The following GAD1 variants were observed in gnomAD, a reference collection of about 807,000 sequenced individuals.
The protein encoded by GAD1 is glutamate decarboxylase 1.
Under a neutral mutation model 75.2 loss-of-function variants are expected in GAD1, and 35 were observed. The observed-to-expected ratio is 0.47, with a 90% CI of 0.36 to 0.62. The LOEUF is 0.62. GAD1 is among the 20% of genes least tolerant of loss of function. The probability of loss-of-function intolerance (pLI) is 0.00; values close to 1 mark genes in which losing one functional copy is unlikely to be tolerated. For missense variants in GAD1, 490 were observed against 758.5 expected (o/e 0.65, Z 4.16); for synonymous variants, 257 against 271.9 (o/e 0.95, Z 0.54).
intron 3 of GAD1, among the ~76,000 whole-genome samples, chr2:170,826,598 G>A (rs1702031010): frequency 1.4e-5 from 2 of 147,554 alleles, no homozygotes; most frequent in African/African-American, 4.9e-5. Flanking sequence ...GTGGCATAAC[G>A]ATCGTTTCTC....
At chr2:170,824,222 G>A (rs1280894592) in intron 3 of GAD1, among the ~76,000 whole-genome samples, 2 of 152,214 alleles carry the variant, frequency 1.3e-5, no homozygotes, top group African/African-American at 4.8e-5. Context: ...GGGGCCACAG[G>A]TTAGGAGGCT....
At chr2:170,832,697 T>C (rs62169988) in intron 5 of GAD1, among the ~76,000 whole-genome samples, 51 of 124,568 alleles carry the variant, frequency 4.1e-4, no homozygotes, top group South Asian at 3.0e-3. Flanking sequence ...CACACACACA[T>C]ACACACATGC....
At position 170,836,858 on chromosome 2, in the gene GAD1, C is replaced by G. The variant is rs779581841; in HGVS notation, c.613C>G (p.Leu205Val). ...TATTATTGGCCTAGCTGGAGAATGGCTGACATCAACGGCCAATACCAACAT... is the reference window on the plus strand; with the variant it reads ...TATTATTGGCCTAGCTGGAGAATGGGTGACATCAACGGCCAATACCAACAT... Reference protein sequence around the residue: ...LDIIGLAGEWLTSTANTNMFT... With the variant: ...LDIIGLAGEWVTSTANTNMFT... The change falls in exon 6 of 17, where the codon CTG becomes GTG. Residue 205 changes from leucine (L) to valine (V), a missense_variant. Leu to Val is a conservative substitution (Grantham distance 32). Coordinates refer to ENST00000358196, the MANE Select transcript of GAD1 (RefSeq NM_000817.3). 14 of 1,613,756 alleles carry G rather than the reference C, an allele frequency of 8.7e-6. No homozygotes were observed. The highest frequency in any genetic ancestry group is 1.2e-5 in the Non-Finnish European group (14 of 1,179,686).
intron 3 of GAD1, among the ~76,000 whole-genome samples, chr2:170,825,358 C>T (rs189378810): frequency 1.3e-5 from 2 of 152,170 alleles, no homozygotes; most frequent in African/African-American, 2.4e-5. Context: ...CACTACACTC[C>T]AGTCTGGACA....
intron 12 of GAD1, among the ~76,000 whole-genome samples, chr2:170,851,590 G>C (rs3791850): frequency 1.3e-5 from 2 of 152,060 alleles, no homozygotes; most frequent in African/African-American, 4.8e-5. Flanking sequence ...TTTAGCTCTA[G>C]GGAGAGCAGA....
At chr2:170,847,534 C>G (rs1479701976) in intron 10 of GAD1, 142 bp from the exon 11 acceptor site, 3 of 748,656 alleles carry the variant, frequency 4.0e-6, no homozygotes, top group Admixed American at 3.5e-5. Flanking sequence ...CAACAAAACA[C>G]TACTAGACAT....
intron 15 of GAD1, among the ~76,000 whole-genome samples, chr2:170,857,504 G>A (rs562970199): frequency 5.9e-5 from 9 of 152,206 alleles, no homozygotes; most frequent in South Asian, 2.1e-4. Flanking sequence ...CCAGCATTTC[G>A]GGAGGCCAAG....
At chr2:170,814,385 G>A (rs773943972), upstream of GAD1, among the ~76,000 whole-genome samples, 6 of 152,164 alleles carry the variant, frequency 3.9e-5, no homozygotes, top group Non-Finnish European at 7.3e-5. Context: ...AAAGATCTAT[G>A]CCCTACCTCA....
At chr2:170,844,427 G>C (rs1184051582) in intron 7 of GAD1, among the ~76,000 whole-genome samples, 1 of 42,280 alleles carries the variant, frequency 2.4e-5, no homozygotes, top group Non-Finnish European at 4.7e-5. Context: ...TTTTTTTTTT[G>C]AGACAGGGTC....
Position 170,837,129 on chromosome 2 carries a change from C to G in GAD1, c.638+246C>G, listed in dbSNP as rs769411. ...ATAACTCTAACTTCCAAAATGTAGT[C>G]TTGAAATTTCATGTTAAAAGACCCA... On this transcript the variant is annotated intron_variant, in intron 6 of 16. Transcript: ENST00000358196. Among the ~76,000 whole-genome samples the G allele has an allele frequency of 0.054, 8,161 of 152,206 alleles. 442 individuals are homozygous for G. Among genetic ancestry groups the G allele is most frequent in the East Asian group, 0.24 (1,263 of 5,170 alleles).
rs1417206224 is a variant in GAD1 at position 170,853,897 on chromosome 2, A to G, written c.1288A>G (p.Met430Val). The change falls in exon 14 of 17, where the codon ATG becomes GTG. Residue 430 changes from methionine (M) to valine (V), a missense_variant. By Grantham distance (21) the Met-to-Val change is conservative. Transcript: ENST00000358196. The surrounding 1 kb of genome is among the most constrained non-coding windows in gnomAD (Gnocchi z 4.1). ...EKGILQGCNQMCAGYLFQPDK... is the reference protein window; with the variant it reads ...EKGILQGCNQVCAGYLFQPDK... Reference sequence around the variant, plus strand: ...GGGTATACTCCAAGGATGCAACCAGATGTGTGCAGGATACCTCTTCCAGCC... The same window carrying G: ...GGGTATACTCCAAGGATGCAACCAGGTGTGTGCAGGATACCTCTTCCAGCC... The G allele has an allele frequency of 1.2e-6, 2 of 1,614,132 alleles. No individual in the cohort carries two copies. The highest frequency in any genetic ancestry group is 2.2e-5 in the South Asian group (2 of 91,072).
chr2:170,847,709 G>A lies in GAD1; in HGVS notation c.1036G>A (p.Gly346Ser). ...TCCCTTTTATGTCAATGCAACTGCTGGCACGACTGTTTATGGAGCTTTTGA... is the reference window on the plus strand; with the variant it reads ...TCCCTTTTATGTCAATGCAACTGCTAGCACGACTGTTTATGGAGCTTTTGA... ...YVPFYVNATA[G>S]TTVYGAFDPI... Residue 346 changes from glycine to serine, a missense_variant, in exon 11 of 17, where the codon GGC becomes AGC. Around this residue, in one of 3 missense-constraint regions of GAD1, gnomAD observed 324 missense variants for 523.9 expected, o/e 0.62. Coordinates refer to ENST00000358196, the MANE Select transcript of GAD1 (RefSeq NM_000817.3). 1 of 1,614,036 alleles carries A rather than the reference G, an allele frequency of 6.2e-7. No individual in the cohort carries two copies. Among genetic ancestry groups the A allele is most frequent in the Non-Finnish European group, 8.5e-7 (1 of 1,179,886 alleles).
intron 2 of GAD1, 160 bp from the exon 3 acceptor site, chr2:170,821,906 GGGCTTAGAGTATATGCCTGTC>G (rs2105756753): frequency 1.6e-6 from 1 of 623,900 alleles, no homozygotes; most frequent in Admixed American, 2.5e-5. Context: ...AGTATGATGG[GGGCTTAGAGTATATGCCTGTC>G]GGCTCACAGA....
intron 9 of GAD1, 106 bp downstream of exon 9, chr2:170,845,891 T>C: frequency 6.9e-7 from 1 of 1,445,400 alleles, no homozygotes; most frequent in Admixed American, 1.7e-5. Flanking sequence ...TGTGCCAAGC[T>C]GCTAATGGTC....
At position 170,845,691 on chromosome 2, in the gene GAD1, C is replaced by T. The variant is rs370906252; in HGVS notation, c.868-15C>T. On this transcript the variant is annotated splice_polypyrimidine_tract_variant and intron_variant, in intron 8 of 16. Transcript: ENST00000358196. ...GACTTTCCAACTTCTAACCTCGAGC[C>T]TCTGTTTGTTGCAGAGTCACTATTC... The T allele has an allele frequency of 1.9e-6, 3 of 1,613,954 alleles. No individual in the cohort carries two copies. Among genetic ancestry groups the T allele is most frequent in the South Asian group, 2.2e-5 (2 of 91,068 alleles).
chr2:170,844,840 G>A (rs1425842808), intron 7 of GAD1, among the ~76,000 whole-genome samples: 1 of 152,178 alleles, frequency 6.6e-6, no homozygotes, highest in East Asian at 1.9e-4. Flanking sequence ...AGTTATCTAG[G>A]TAATTCAAGC....
chr2:170,857,621 A>G (rs546858294), intron 15 of GAD1, among the ~76,000 whole-genome samples: 1 of 152,320 alleles, frequency 6.6e-6, no homozygotes, highest in East Asian at 1.9e-4. Context: ...GAAATTTTAC[A>G]AAACGATAAA....
rs891237342 is a variant in GAD1, at chr2:170,818,315, G to C, written c.-63-214G>C. On this transcript the variant is annotated intron_variant, in intron 1 of 16. Coordinates refer to ENST00000358196, the MANE Select transcript of GAD1 (RefSeq NM_000817.3). This position sits in a 1 kb window ranked among gnomAD's most constrained non-coding sequence, Gnocchi z 5.9. ...AGACTCGAGAGCGGCCCAGGGCTAC[G>C]CTCCCTGCGCCCCAGTACCGGAGCT... The C allele has an allele frequency of 7.6e-6, 3 of 394,790 alleles. No individual in the cohort carries two copies. The highest frequency in any genetic ancestry group is 6.4e-5 in the African/African-American group (3 of 46,960). 24.5% of individuals were successfully genotyped at this position (394,790 alleles called of 1,614,324 possible).
upstream of GAD1, among the ~76,000 whole-genome samples, chr2:170,815,752 G>T (rs1701683850): frequency 6.6e-6 from 1 of 152,186 alleles, no homozygotes; most frequent in Admixed American, 6.5e-5. Flanking sequence ...AGAAAGGGGA[G>T]AACTTAAACT....
Sources: allele counts gnomAD v4.1 joint callset (sites outside exome capture counted in the v4.1 genomes callset), GRCh38; gene constraint gnomAD v4.1.1; regional missense constraint gnomAD v4.1.1; non-coding constraint Gnocchi (gnomAD v3.1); transcripts MANE v1.5; gene names NCBI Gene and HGNC (gene_info 2026-07-23, HGNC 2026-07-21).